Variants in CIBAR1 observed in about 807,000 individuals in gnomAD.
CIBAR1 encodes the protein CBY1 interacting BAR domain containing 1.
A neutral mutation model predicts 44.0 loss-of-function variants in CIBAR1; 25 were observed. That is an observed-to-expected ratio of 0.57 (90% CI 0.41 to 0.79). CIBAR1 has a LOEUF of 0.79. Among genes scored for constraint, CIBAR1 ranks in the 30% least tolerant of loss-of-function variants. CIBAR1 has a pLI of 0.00. For synonymous variants in CIBAR1, 115 were observed against 119.0 expected (o/e 0.97, Z 0.22); for missense variants, 278 against 344.8 (o/e 0.81, Z 1.53).
rs71530290 is a variant in CIBAR1 at position 93,709,202 on chromosome 8, C to T, written c.439-569C>T. Among the ~76,000 whole-genome samples, 1,402 of 152,256 alleles carry T rather than the reference C, an allele frequency of 9.2e-3. 13 individuals carry two copies. The highest frequency in any genetic ancestry group is 0.014 in the Non-Finnish European group (933 of 68,016). ...GGCTGAGGCAGAAGAATCACTTCAA[C>T]CCAGGAGGCGGAGGTTGCAGTGAGC... On this transcript the variant is annotated intron_variant, in intron 5 of 8. Transcript: ENST00000518322.
chr8:93,701,213 C>T lies in CIBAR1; in HGVS notation c.27-11C>T, dbSNP rs149956672. ...GAGAATGTTTTGCCTTTTGTGTCAC[C>T]TTTTCCCTAGGAACGCTCAAACGAA... On this transcript the variant is annotated splice_polypyrimidine_tract_variant and intron_variant, in intron 1 of 8. Transcript: ENST00000518322. 2.7e-4 allele frequency: 436 copies of T among 1,609,540 alleles called. 1 individual carries two copies. The African/African-American group carries it at 5.6e-3, about 21-fold the overall frequency.
rs545574797 is a variant in CIBAR1, at chr8:93,721,689, G to T, written c.657+2901G>T. Among the ~76,000 whole-genome samples the T allele has an allele frequency of 5.3e-5, 8 of 152,248 alleles. No individual in the cohort carries two copies. The South Asian group carries it at 1.7e-3, about 32-fold the overall frequency. On this transcript the variant is annotated intron_variant, in intron 7 of 8. Transcript: ENST00000518322. ...TTATTGAGCACCTCATATGCACCAA[G>T]CACCATTCTAAGTGTGAAGGATGTA...
Position 93,700,653 on chromosome 8 carries a change from G to A in CIBAR1, c.6G>A (p.Met2Ile), listed in dbSNP as rs562547987. 192 of 1,502,658 alleles carry A rather than the reference G, an allele frequency of 1.3e-4. No homozygotes were observed. The East Asian group carries it at 2.6e-3, about 20-fold the overall frequency. The allele number at this position is 1,502,658 out of a possible 1,614,324, so 93.1% of individuals were successfully genotyped here. Residue 2 changes from methionine (M) to isoleucine (I), a missense_variant, in exon 1 of 9, where the codon ATG (methionine) becomes ATA (isoleucine). Met to Ile is a conservative substitution (Grantham distance 10). Around this residue, in one of 3 missense-constraint regions of CIBAR1, gnomAD observed 183 missense variants for 218.6 expected, o/e 0.84. Transcript: ENST00000518322. MMRRTLENRNAQ... is the reference protein window; with the variant it reads MIRRTLENRNAQ... Reference sequence around the variant, plus strand: ...CCGGCCGTGCGCGAGGCAGCATGATGAGGCGCACCCTGGAAAACCGGTAAC... The same window carrying A: ...CCGGCCGTGCGCGAGGCAGCATGATAAGGCGCACCCTGGAAAACCGGTAAC...
chr8:93,711,949 G>A (rs1338509799), intron 6 of CIBAR1, among the ~76,000 whole-genome samples: 1 of 152,108 alleles, frequency 6.6e-6, no homozygotes, highest in African/African-American at 2.4e-5. Flanking sequence ...GATGGAGTAA[G>A]GTGCTGTATG....
At chr8:93,724,325 T>A (rs1245820534) in intron 7 of CIBAR1, among the ~76,000 whole-genome samples, 1 of 152,178 alleles carries the variant, frequency 6.6e-6, no homozygotes, top group Admixed American at 6.5e-5. Flanking sequence ...ATAAGTTTTA[T>A]ATATATAAAA....
intron 8 of CIBAR1, 73 bp downstream of exon 8, chr8:93,726,586 C>A: frequency 6.4e-7 from 1 of 1,558,788 alleles, no homozygotes; most frequent in Non-Finnish European, 8.7e-7. Context: ...AAAATGTTTC[C>A]CCTCAGTCAT....
intron 6 of CIBAR1, among the ~76,000 whole-genome samples, chr8:93,713,029 T>C (rs28754998): frequency 0.014 from 501 of 34,896 alleles, 10 homozygotes; most frequent in African/African-American, 0.054. Flanking sequence ...TTCTCCTTTT[T>C]TTTCTTTTTT....
chr8:93,712,047 T>C (rs748356639), intron 6 of CIBAR1, among the ~76,000 whole-genome samples: 26 of 152,308 alleles, frequency 1.7e-4, no homozygotes, highest in Admixed American at 7.8e-4. Context: ...TTAGGAAGTC[T>C]CTTGGTCACA....
chr8:93,709,930 T>A lies in CIBAR1; in HGVS notation c.543+55T>A. ...ATGTTTTTAACCTTTTTTTTTACTT[T>A]AATGAAAAATTTAAATTACTCTAAA... On this transcript the variant is annotated intron_variant, in intron 6 of 8. Coordinates refer to ENST00000518322, the MANE Select transcript of CIBAR1 (RefSeq NM_145269.5). The A allele has an allele frequency of 3.0e-6, 4 of 1,333,964 alleles. No homozygotes were observed. In the South Asian group the frequency reaches 4.0e-5, roughly 13 times the overall value. The allele number at this position is 1,333,964 out of a possible 1,614,324, so 82.6% of individuals were successfully genotyped here.
chr8:93,706,484 T>G (rs190996299), intron 4 of CIBAR1, among the ~76,000 whole-genome samples: 2 of 152,176 alleles, frequency 1.3e-5, no homozygotes, highest in African/African-American at 4.8e-5. Context: ...GTTTTGTTCT[T>G]TGTGGCCTGG....
chr8:93,701,584 C>G, intron 2 of CIBAR1, 126 bp downstream of exon 2: 1 of 756,226 alleles, frequency 1.3e-6, no homozygotes, highest in South Asian at 1.8e-5. Flanking sequence ...ATAAAACGTA[C>G]ATTTTCATAA....
At chr8:93,715,039 A>T (rs1163863606) in intron 6 of CIBAR1, among the ~76,000 whole-genome samples, 1 of 152,214 alleles carries the variant, frequency 6.6e-6, no homozygotes, top group Non-Finnish European at 1.5e-5. Flanking sequence ...CATAACTGTG[A>T]GTGCATTACT....
intron 2 of CIBAR1, among the ~76,000 whole-genome samples, chr8:93,702,853 C>T (rs1810417914): frequency 6.6e-6 from 1 of 151,854 alleles, no homozygotes; most frequent in Non-Finnish European, 1.5e-5. Flanking sequence ...TCATTTTAAG[C>T]AATTGAATAC....
chr8:93,701,037 C>G, intron 1 of CIBAR1, 187 bp from the exon 2 acceptor site: 2 of 1,446,440 alleles, frequency 1.4e-6, no homozygotes, highest in Non-Finnish European at 1.8e-6. Context: ...TTTCCTGTGC[C>G]TACACAGTCC....
chr8:93,703,577 A>G (rs1391788790), intron 2 of CIBAR1, 43 bp from the exon 3 acceptor site: 1 of 1,214,908 alleles, frequency 8.2e-7, no homozygotes, highest in South Asian at 1.5e-5. Context: ...TATAGGTTAA[A>G]ATGTTAAACG....
chr8:93,702,888 T>G (rs754355755), intron 2 of CIBAR1, among the ~76,000 whole-genome samples: 1 of 152,124 alleles, frequency 6.6e-6, no homozygotes, highest in Non-Finnish European at 1.5e-5. Context: ...GAAAAAAAAT[T>G]TTAATGTCCA....
chr8:93,706,116 A>C (rs1335795646), intron 4 of CIBAR1: 1 of 152,120 alleles, frequency 6.6e-6, no homozygotes, highest in Non-Finnish European at 1.5e-5. Context: ...GTTCCAGAAC[A>C]CCTCCATTCC....
At chr8:93,719,429 T>C (rs1811159305) in intron 7 of CIBAR1, 1 of 152,242 alleles carries the variant, frequency 6.6e-6, no homozygotes, top group Admixed American at 6.5e-5. Flanking sequence ...CATTTGAGTG[T>C]TTACATCATG....
At chr8:93,724,912 A>C (rs1811415311) in intron 7 of CIBAR1, among the ~76,000 whole-genome samples, 2 of 152,178 alleles carry the variant, frequency 1.3e-5, no homozygotes, top group African/African-American at 4.8e-5. Flanking sequence ...GAATACAGCT[A>C]TCACAGGGTA....
Sources: allele counts gnomAD v4.1 joint callset (sites outside exome capture counted in the v4.1 genomes callset), GRCh38; gene constraint gnomAD v4.1.1; regional missense constraint gnomAD v4.1.1; transcripts MANE v1.5; gene names NCBI Gene and HGNC (gene_info 2026-07-23, HGNC 2026-07-21).